KLHDC4: variants seen among roughly 807,000 people sequenced by gnomAD.
KLHDC4 encodes kelch domain containing 4.
KLHDC4 carries 90 observed loss-of-function variants against 62.4 expected under a neutral mutation model. That is an observed-to-expected ratio of 1.44 (90% CI 1.22 to 1.72). KLHDC4 has a LOEUF of 1.72. Ranked by LOEUF, KLHDC4 falls within the 40% of genes most tolerant of loss-of-function variation. The pLI is 0.00. For missense variants in KLHDC4, 1,025 were observed against 699.7 expected, an observed-to-expected ratio of 1.47 and a Z score of -5.25; for synonymous variants, 386 against 284.4, an observed-to-expected ratio of 1.36 and a Z score of -3.59.
intron 5 of KLHDC4, among the ~76,000 whole-genome samples, chr16:87,746,221 G>A (rs2082249119): frequency 6.6e-6 from 1 of 152,080 alleles, no homozygotes; most frequent in African/African-American, 2.4e-5. Flanking sequence ...AATAAGGTGT[G>A]ATCACACCAC....
chr16:87,705,311 C>T (rs1037308939), downstream of KLHDC4, among the ~76,000 whole-genome samples: 19 of 152,234 alleles, frequency 1.2e-4, no homozygotes, highest in Admixed American at 2.0e-4. Flanking sequence ...ACCACAGGCC[C>T]GTGGGGCAGG....
intron 5 of KLHDC4, among the ~76,000 whole-genome samples, chr16:87,731,845 G>T (rs953570971): frequency 6.6e-6 from 1 of 152,206 alleles, no homozygotes; most frequent in Non-Finnish European, 1.5e-5. Context: ...CCACATGGGG[G>T]AGGACTTCTC....
intron 8 of KLHDC4, among the ~76,000 whole-genome samples, chr16:87,712,602 G>T (rs1383171144): frequency 6.6e-6 from 1 of 152,274 alleles, no homozygotes; most frequent in South Asian, 2.1e-4. Flanking sequence ...GGTGTAGGCT[G>T]GAAAGTGACT....
chr16:87,720,807 T>G (rs2038138422), intron 7 of KLHDC4, among the ~76,000 whole-genome samples: 1 of 152,228 alleles, frequency 6.6e-6, no homozygotes. Context: ...CAGAAGCCCA[T>G]GCATGTGCCC....
chr16:87,720,477 G>A (rs929269622), intron 7 of KLHDC4, among the ~76,000 whole-genome samples: 2 of 152,216 alleles, frequency 1.3e-5, no homozygotes, highest in Non-Finnish European at 2.9e-5. Context: ...GCTCGGGCAA[G>A]CAGCGACCGC....
chr16:87,701,606 G>T (rs578187814), exon 1 of KLHDC4: 11 of 433,692 alleles, frequency 2.5e-5, no homozygotes, highest in African/African-American at 1.6e-4. Context: ...GGGGTCGGCA[G>T]AGTGGGCCAG....
chr16:87,734,109 G>C (rs932709344), intron 5 of KLHDC4, among the ~76,000 whole-genome samples: 32 of 152,238 alleles, frequency 2.1e-4, no homozygotes, highest in Non-Finnish European at 4.3e-4. Flanking sequence ...CACTTTGAGA[G>C]GCCAAGGTGG....
intron 5 of KLHDC4, among the ~76,000 whole-genome samples, chr16:87,736,367 C>T (rs2041309036): frequency 6.6e-6 from 1 of 152,156 alleles, no homozygotes; most frequent in Non-Finnish European, 1.5e-5. Flanking sequence ...GTGAGGCAGC[C>T]CGACAGCAGG....
chr16:87,721,195 C>T (rs1341927527), intron 7 of KLHDC4, among the ~76,000 whole-genome samples: 4 of 152,076 alleles, frequency 2.6e-5, no homozygotes, highest in Admixed American at 6.5e-5. Flanking sequence ...CCGAGACGGG[C>T]GGATCACAAG....
chr16:87,736,931 C>G (rs1295013676), intron 5 of KLHDC4, among the ~76,000 whole-genome samples: 1 of 151,640 alleles, frequency 6.6e-6, no homozygotes, highest in African/African-American at 2.4e-5. Context: ...TCGAGACCAG[C>G]CTGGCCAACA....
intron 3 of KLHDC4, 119 bp downstream of exon 3, chr16:87,756,280 A>T: frequency 1.4e-6 from 1 of 732,708 alleles, no homozygotes; most frequent in Non-Finnish European, 2.4e-6. Context: ...TGACGGCTCA[A>T]GCGCGTGATA....
Position 87,748,692 on chromosome 16 carries a change from T to C in KLHDC4, c.487A>G (p.Lys163Glu). The change falls in exon 5 of 12, where the codon AAG becomes GAG. Residue 163 changes from lysine (K) to glutamate (E), a missense_variant. By Grantham distance (56) the Lys-to-Glu change is moderately conservative (BLOSUM62 1). Transcript: ENST00000270583. Reference sequence around the variant, plus strand: ...TCTTACTTGACTTGTTCCCAGGTCTTGGTGGCCAAATGCAGGACCCAGAGA... The same window carrying C: ...TCTTACTTGACTTGTTCCCAGGTCTCGGTGGCCAAATGCAGGACCCAGAGA... Reference protein sequence around the residue: ...KDLWVLHLATKTWEQVKSTGG... With the variant: ...KDLWVLHLATETWEQVKSTGG... The C allele has an allele frequency of 1.2e-6, 2 of 1,613,676 alleles. No individual in the cohort carries two copies. The highest frequency in any genetic ancestry group is 1.7e-6 in the Non-Finnish European group (2 of 1,179,932).
intron 5 of KLHDC4, among the ~76,000 whole-genome samples, chr16:87,731,315 G>C (rs1376009047): frequency 6.6e-6 from 1 of 151,760 alleles, no homozygotes; most frequent in East Asian, 1.9e-4. Flanking sequence ...CAAGTGATCT[G>C]CCTGACTCAG....
chr16:87,754,489 G>C (rs1028860820), intron 4 of KLHDC4, among the ~76,000 whole-genome samples: 1 of 152,242 alleles, frequency 6.6e-6, no homozygotes, highest in Non-Finnish European at 1.5e-5. Flanking sequence ...TAGCAGGTGA[G>C]TTCTAAGCAC....
chr16:87,756,577 G>A, intron 2 of KLHDC4, 100 bp from the exon 3 acceptor site: 1 of 813,592 alleles, frequency 1.2e-6, no homozygotes, highest in South Asian at 1.5e-5. Flanking sequence ...CAAACTGGCT[G>A]CCTCTACACT....
chr16:87,764,244 T>C (rs2046282859), intron 1 of KLHDC4, among the ~76,000 whole-genome samples: 2 of 152,182 alleles, frequency 1.3e-5, no homozygotes, highest in Admixed American at 1.3e-4. Context: ...TGAGGGTTCA[T>C]TCAGATAACA....
At chr16:87,739,181 C>T (rs1305864848) in intron 5 of KLHDC4, among the ~76,000 whole-genome samples, 8 of 111,258 alleles carry the variant, frequency 7.2e-5, no homozygotes, top group Non-Finnish European at 7.7e-5. Flanking sequence ...ACACCAGCAT[C>T]TCATCCACAC....
At chr16:87,753,627 C>T (rs1301852547) in intron 4 of KLHDC4, among the ~76,000 whole-genome samples, 1 of 150,856 alleles carries the variant, frequency 6.6e-6, no homozygotes, top group African/African-American at 2.5e-5. Context: ...TGGTGAAACC[C>T]CGTCTCTACT....
At chr16:87,713,287 C>A (rs2036259553) in intron 8 of KLHDC4, among the ~76,000 whole-genome samples, 1 of 152,160 alleles carries the variant, frequency 6.6e-6, no homozygotes, top group South Asian at 2.1e-4. Context: ...GCAAGCTCCA[C>A]CTCCGAGGTT....
Sources: gnomAD v4.1 joint callset for allele counts (sites outside exome capture counted in the v4.1 genomes callset) on GRCh38, gnomAD v4.1.1 for gene constraint, MANE v1.5 for transcripts, NCBI Gene and HGNC (gene_info 2026-07-23, HGNC 2026-07-21) for gene names.